The following RIN2 variants were observed in gnomAD, a reference collection of about 807,000 sequenced individuals.
The protein encoded by RIN2 is RAB5 interacting protein 2.
In RIN2, 36 loss-of-function variants were observed where a neutral mutation model predicts 78.0. The ratio of observed to expected loss-of-function variants is 0.46; its 90% CI spans 0.35 to 0.61. The LOEUF is 0.61. Ranked by LOEUF, RIN2 falls within the 20% of genes least tolerant of loss-of-function variation. The pLI is 0.00. For missense variants in RIN2, 1,087 were observed against 1,159.7 expected, an observed-to-expected ratio of 0.94 and a Z score of 0.91; for synonymous variants, 466 against 466.8, an observed-to-expected ratio of 1.00 and a Z score of 0.02.
At chr20:19,786,935 T>C (rs1313576467) in intron 1 of RIN2, among the ~76,000 whole-genome samples, 1 of 152,190 alleles carries the variant, frequency 6.6e-6, no homozygotes, top group African/African-American at 2.4e-5. Flanking sequence ...TCTATTGCTT[T>C]TGGTGAAAGT....
chr20:19,925,359 G>T (rs2040186125), intron 3 of RIN2, among the ~76,000 whole-genome samples: 1 of 152,192 alleles, frequency 6.6e-6, no homozygotes, highest in African/African-American at 2.4e-5. Flanking sequence ...AGTCTTAGCA[G>T]AAAATAAAGG....
At chr20:19,846,517 GCTCT>G (rs939125454) in intron 2 of RIN2, among the ~76,000 whole-genome samples, 3 of 151,908 alleles carry the variant, frequency 2.0e-5, no homozygotes, top group African/African-American at 4.8e-5. Flanking sequence ...TCATGATTTG[GCTCT>G]CTATTATTGG....
At chr20:19,793,731 A>T (rs79779161) in intron 1 of RIN2, among the ~76,000 whole-genome samples, 2 of 152,378 alleles carry the variant, frequency 1.3e-5, no homozygotes, top group East Asian at 3.9e-4. Context: ...CCAGGTTATT[A>T]GGATTACAGA....
intron 2 of RIN2, among the ~76,000 whole-genome samples, chr20:19,825,183 C>T (rs1434828891): frequency 6.6e-6 from 1 of 152,212 alleles, no homozygotes; most frequent in Non-Finnish European, 1.5e-5. Context: ...CCATACAAGA[C>T]CCTCCCTATA....
chr20:19,829,661 A>G (rs757278616), intron 2 of RIN2, among the ~76,000 whole-genome samples: 3 of 152,198 alleles, frequency 2.0e-5, no homozygotes, highest in Non-Finnish European at 4.4e-5. Context: ...ACTGAGGAAC[A>G]GAGTTCCCAA....
At chr20:19,846,223 T>C (rs1334519251) in intron 2 of RIN2, among the ~76,000 whole-genome samples, 1 of 152,234 alleles carries the variant, frequency 6.6e-6, no homozygotes, top group African/African-American at 2.4e-5. Flanking sequence ...TCTTTTTTGG[T>C]TCCATATGAA....
chr20:19,945,740 A>C lies in RIN2; in HGVS notation c.158+10541A>C, dbSNP rs567346207. Among the ~76,000 whole-genome samples the C allele has an allele frequency of 6.6e-5, 10 of 152,008 alleles. No homozygotes were observed. The South Asian group carries it at 2.1e-3, about 32-fold the overall frequency. On this transcript the variant is annotated intron_variant, in intron 4 of 12. Transcript: ENST00000255006. ...ATCATTGACTTTTACAACCAAAGCCACTCAAAGCCCACTCCTTGCTAGTTG... is the reference window on the plus strand; with the variant it reads ...ATCATTGACTTTTACAACCAAAGCCCCTCAAAGCCCACTCCTTGCTAGTTG...
At chr20:19,776,241 A>G (rs1209909522) in intron 1 of RIN2, among the ~76,000 whole-genome samples, 1 of 152,200 alleles carries the variant, frequency 6.6e-6, no homozygotes, top group Admixed American at 6.5e-5. Context: ...ACAGCTGACC[A>G]ACATTAACAT....
intron 2 of RIN2, among the ~76,000 whole-genome samples, chr20:19,834,873 G>A (rs2036360588): frequency 6.6e-6 from 1 of 151,760 alleles, no homozygotes; most frequent in Admixed American, 6.6e-5. Flanking sequence ...GAATCCAGGA[G>A]GTCAAGGCTG....
chr20:19,824,679 C>T (rs1276437132), intron 2 of RIN2, among the ~76,000 whole-genome samples: 2 of 152,122 alleles, frequency 1.3e-5, no homozygotes, highest in Non-Finnish European at 2.9e-5. Flanking sequence ...TTCTTAGAAT[C>T]TCTAAAAGAG....
chr20:19,808,645 G>A (rs562790907), intron 2 of RIN2, among the ~76,000 whole-genome samples: 2 of 152,290 alleles, frequency 1.3e-5, no homozygotes, highest in South Asian at 2.1e-4. Flanking sequence ...AGAACACTCC[G>A]CAGGGTTCCG....
chr20:20,001,577 C>G lies in RIN2; in HGVS notation c.*641C>G, dbSNP rs1181105583. 6.6e-6 allele frequency: 1 copy of G among 152,474 alleles called. No individual in the cohort carries two copies. Among genetic ancestry groups the G allele is most frequent in the Middle Eastern group, 3.2e-3 (1 of 316 alleles). The allele number at this position is 152,474 out of a possible 1,614,324, so 9.4% of individuals were successfully genotyped here. On this transcript the variant is annotated 3_prime_UTR_variant, in exon 13 of 13. Transcript: ENST00000255006. ...TGAGAGTATTGCATTTTTAAAGTCT[C>G]TCTTCTGTAACTGGATGTTTTGGCA...
At chr20:19,764,916 G>GTGTTTTT (rs1568731017) in intron 1 of RIN2, among the ~76,000 whole-genome samples, 463 of 35,230 alleles carry the variant, frequency 0.013, 21 homozygotes, top group African/African-American at 0.031. Flanking sequence ...TTCACTTTCT[G>GTGTTTTT]CGTTTTTTTT....
chr20:19,813,552 G>A (rs1051937370), intron 2 of RIN2, among the ~76,000 whole-genome samples: 4 of 152,118 alleles, frequency 2.6e-5, no homozygotes, highest in Non-Finnish European at 1.5e-5. Context: ...AAATGAATAC[G>A]TAATACATGT....
intron 4 of RIN2, chr20:19,935,581 G>A (rs1283726088): frequency 3.0e-6 from 3 of 1,004,810 alleles, no homozygotes; most frequent in Non-Finnish European, 3.6e-6. Flanking sequence ...AGCAGCTAAA[G>A]AGGATGGACT....
At chr20:19,896,478 A>G (rs544088524) in intron 3 of RIN2, among the ~76,000 whole-genome samples, 1 of 152,358 alleles carries the variant, frequency 6.6e-6, no homozygotes, top group South Asian at 2.1e-4. Context: ...CAAAAGCCAT[A>G]GAGATGAATG....
At chr20:19,847,766 A>G (rs1401162552) in intron 2 of RIN2, among the ~76,000 whole-genome samples, 1 of 152,220 alleles carries the variant, frequency 6.6e-6, no homozygotes. Context: ...TTACCTGTCT[A>G]ATCTTACTTT....
At chr20:19,852,016 C>T (rs914275592) in intron 2 of RIN2, among the ~76,000 whole-genome samples, 22 of 152,132 alleles carry the variant, frequency 1.4e-4, no homozygotes, top group African/African-American at 1.7e-4. Context: ...ATATGTCTTT[C>T]GTCTTCCCTG....
intron 3 of RIN2, among the ~76,000 whole-genome samples, chr20:19,909,191 C>G (rs938292528): frequency 6.6e-6 from 1 of 152,078 alleles, no homozygotes; most frequent in Non-Finnish European, 1.5e-5. Context: ...TAGTAACCCA[C>G]TGAGGCCCAT....
Sources: gnomAD v4.1 joint callset for allele counts (sites outside exome capture counted in the v4.1 genomes callset) on GRCh38, gnomAD v4.1.1 for gene constraint, MANE v1.5 for transcripts, NCBI Gene and HGNC (gene_info 2026-07-23, HGNC 2026-07-21) for gene names.